TTC34: variants seen among roughly 807,000 people sequenced by gnomAD.
The protein encoded by TTC34 is tetratricopeptide repeat protein 34.
Under a neutral mutation model 40.7 loss-of-function variants are expected in TTC34, and 44 were observed. The ratio of observed to expected loss-of-function variants is 1.08; its 90% CI spans 0.85 to 1.39. The LOEUF (loss-of-function observed/expected upper bound fraction) is 1.39. Ranked by LOEUF, TTC34 falls within the 40% of genes most tolerant of loss-of-function variation. The pLI is 0.00. For synonymous variants in TTC34, 422 were observed against 398.6 expected, an observed-to-expected ratio of 1.06 and a Z score of -0.70; for missense variants, 884 against 838.0, an observed-to-expected ratio of 1.05 and a Z score of -0.68.
At chr1:2,790,895 C>T (rs1036047552) in intron 2 of TTC34, among the ~76,000 whole-genome samples, 3 of 152,204 alleles carry the variant, frequency 2.0e-5, no homozygotes, top group Non-Finnish European at 4.4e-5. Flanking sequence ...TCTCTCAGGT[C>T]TAGGACTGGA....
intron 6 of TTC34, among the ~76,000 whole-genome samples, chr1:2,652,702 G>C (rs1570754479): frequency 6.7e-6 from 1 of 149,380 alleles, no homozygotes; most frequent in African/African-American, 2.5e-5. Flanking sequence ...GTGAGCATCT[G>C]ACAGCCTGGA....
chr1:2,792,826 C>T (rs530779477), intron 2 of TTC34, among the ~76,000 whole-genome samples: 46 of 152,200 alleles, frequency 3.0e-4, no homozygotes, highest in Admixed American at 1.4e-3. Flanking sequence ...GCCAGGAGAA[C>T]GCCAGCATCT....
rs760867403 is a variant in TTC34 at position 2,787,694 on chromosome 1, G to A, written c.1641C>T (p.Gly547=). 4.0e-5 allele frequency: 62 copies of A among 1,544,390 alleles called. No individual in the cohort carries two copies. In the East Asian group the frequency reaches 6.4e-4, roughly 16 times the overall value. The change falls in exon 4 of 9, where the codon GGC becomes GGT. Residue 547 remains glycine, a synonymous_variant. Coordinates refer to ENST00000401095, the Ensembl canonical transcript of TTC34. ...TCAGCAGTGTGGCCAGCTGGTGCAC[G>A]CCGCAGGCGACCCTGTGTGGAGATC...
intron 6 of TTC34, among the ~76,000 whole-genome samples, chr1:2,782,189 G>A (rs942414900): frequency 2.0e-5 from 3 of 152,118 alleles, no homozygotes; most frequent in African/African-American, 4.8e-5. Context: ...CTAGTTATAG[G>A]TCTATTCAGA....
At chr1:2,650,670 G>A (rs1639110719) in intron 6 of TTC34, among the ~76,000 whole-genome samples, 1 of 151,998 alleles carries the variant, frequency 6.6e-6, no homozygotes, top group Non-Finnish European at 1.5e-5. Context: ...CACACCCCCA[G>A]GTGAGCATCT....
At chr1:2,764,453 T>C (rs1484705637) in intron 6 of TTC34, among the ~76,000 whole-genome samples, 482 of 39,252 alleles carry the variant, frequency 0.012, no homozygotes, top group Middle Eastern at 0.033. Context: ...CCTGGGGCAG[T>C]GCCCACAGCC....
chr1:2,646,223 G>C (rs1284700625), intron 6 of TTC34, among the ~76,000 whole-genome samples: 1 of 152,138 alleles, frequency 6.6e-6, no homozygotes, highest in Non-Finnish European at 1.5e-5. Context: ...CCAGCTCCCA[G>C]GTGAGCACCC....
At chr1:2,660,109 CA>C (rs1639487391) in intron 6 of TTC34, among the ~76,000 whole-genome samples, 1 of 128,934 alleles carries the variant, frequency 7.8e-6, no homozygotes, top group East Asian at 2.3e-4. Context: ...GAACCCACAC[CA>C]ACAGGCGAGC....
chr1:2,751,899 A>C (rs1188553600), intron 6 of TTC34, among the ~76,000 whole-genome samples: 9 of 112,072 alleles, frequency 8.0e-5, no homozygotes, highest in East Asian at 3.3e-4. Flanking sequence ...CCCCCAGGTG[A>C]GCATCTGATG....
At position 2,779,426 on chromosome 1, in the gene TTC34, C is replaced by T. The variant is rs538071230; in HGVS notation, c.2226+4183G>A. On this transcript the variant is annotated intron_variant, in intron 6 of 8. Transcript: ENST00000401095. ...GCAACTCCCACCTCCCGGGTTCAAG[C>T]GATTCTCCTGCCTCAGCCTCCCGAG... 1.0e-3 allele frequency among the ~76,000 whole-genome samples: 156 copies of T among 152,170 alleles called. 2 individuals carry two copies. The highest frequency in any genetic ancestry group is 1.8e-3 in the Non-Finnish European group (125 of 68,022).
At chr1:2,648,365 G>A (rs1434741616) in intron 6 of TTC34, among the ~76,000 whole-genome samples, 1 of 152,170 alleles carries the variant, frequency 6.6e-6, no homozygotes, top group African/African-American at 2.4e-5. Flanking sequence ...TGCTAGGGGA[G>A]GATTCGTTTT....
intron 6 of TTC34, among the ~76,000 whole-genome samples, chr1:2,752,858 C>T (rs1641370140): frequency 6.6e-6 from 1 of 151,236 alleles, no homozygotes; most frequent in Non-Finnish European, 1.5e-5. Context: ...CCCACACACC[C>T]AGGCGAGCAT....
At chr1:2,750,767 A>C (rs1385986873) in intron 6 of TTC34, among the ~76,000 whole-genome samples, 33,390 of 46,116 alleles carry the variant, frequency 0.72, 11,059 homozygotes, top group African/African-American at 0.84. Flanking sequence ...GCACGCATAA[A>C]CACAGGTGAA....
chr1:2,685,983 T>A (rs1294977280), intron 6 of TTC34, among the ~76,000 whole-genome samples: 2 of 108,354 alleles, frequency 1.8e-5, no homozygotes, highest in African/African-American at 8.0e-5. Flanking sequence ...TCTGACTGCA[T>A]GTATCAGCAC....
At chr1:2,748,373 TCTGACATCCTGGAGCAACACTGACAA>T (rs1641215377) in intron 6 of TTC34, among the ~76,000 whole-genome samples, 2 of 144,114 alleles carry the variant, frequency 1.4e-5, no homozygotes, top group Non-Finnish European at 3.0e-5. Flanking sequence ...CAGGGGAGCA[TCTGACATCCTGGAGCAACACTGACAA>T]CCCCAGGTGA....
chr1:2,779,621 C>G (rs1643447171), intron 6 of TTC34, among the ~76,000 whole-genome samples: 1 of 152,204 alleles, frequency 6.6e-6, no homozygotes, highest in African/African-American at 2.4e-5. Context: ...CCACACCCAG[C>G]TGGTAGTTCT....
At chr1:2,684,001 G>T (rs1433159961) in intron 6 of TTC34, among the ~76,000 whole-genome samples, 2 of 148,110 alleles carry the variant, frequency 1.4e-5, no homozygotes, top group Admixed American at 1.4e-4. Context: ...GCACCCCCAG[G>T]TGAGCATCTG....
chr1:2,779,950 T>C (rs1643453929), intron 6 of TTC34, among the ~76,000 whole-genome samples: 1 of 152,110 alleles, frequency 6.6e-6, no homozygotes, highest in South Asian at 2.1e-4. Flanking sequence ...CTCGTCTCTA[T>C]AAAAATACAA....
At chr1:2,695,696 G>T in intron 6 of TTC34, among the ~76,000 whole-genome samples, 1 of 150,328 alleles carries the variant, frequency 6.7e-6, no homozygotes, top group Middle Eastern at 3.6e-3. Flanking sequence ...GCATCTGACA[G>T]CCTGGAACAG....
Sources: allele counts gnomAD v4.1 joint callset (sites outside exome capture counted in the v4.1 genomes callset), GRCh38; gene constraint gnomAD v4.1.1; transcripts MANE v1.5; gene names NCBI Gene and HGNC (gene_info 2026-07-23, HGNC 2026-07-21).